The following STK10 variants were observed in gnomAD, a reference collection of about 807,000 sequenced individuals.
The protein encoded by STK10 is serine/threonine kinase 10.
A neutral mutation model predicts 113.8 loss-of-function variants in STK10; 78 were observed. That is an observed-to-expected ratio of 0.69 (90% confidence interval 0.57 to 0.83). The LOEUF (loss-of-function observed/expected upper bound fraction) is 0.83, where lower values mean the gene tolerates loss of function less well. Among genes scored for constraint, STK10 ranks in the 40% least tolerant of loss-of-function variants. The pLI is 0.00. For missense variants in STK10, 1,109 were observed against 1,280.1 expected (o/e 0.87, Z 2.04); for synonymous variants, 465 against 494.7 (o/e 0.94, Z 0.80).
At position 172,117,547 on chromosome 5, in the gene STK10, T is replaced by C; in HGVS notation, c.454A>G (p.Arg152Gly). 1 of 1,612,090 alleles carries C rather than the reference T, an allele frequency of 6.2e-7. No homozygotes were observed. The highest frequency in any genetic ancestry group is 8.5e-7 in the Non-Finnish European group (1 of 1,179,412). ...LEALNFLHSK[R>G]IIHRDLKAGN... is the part of the protein sequence containing the mutation. Reference sequence around the variant, plus strand: ...GCTTTCAGATCTCGGTGGATGATCCTCTTGCTGTGCAGGAAGTTGAGGGCT... The same window carrying C: ...GCTTTCAGATCTCGGTGGATGATCCCCTTGCTGTGCAGGAAGTTGAGGGCT... The change falls in exon 4 of 19, where the codon AGG becomes GGG. Residue 152 changes from arginine to glycine, a missense_variant. Transcript: ENST00000176763.
At chr5:172,181,486 ATTT>A (rs557756323) in intron 1 of STK10, among the ~76,000 whole-genome samples, 1 of 144,222 alleles carries the variant, frequency 6.9e-6, no homozygotes, top group African/African-American at 2.6e-5. Context: ...ATTTATTTTA[ATTT>A]TTTTTTTTTT....
chr5:172,113,492 C>T (rs1191396940), intron 4 of STK10, among the ~76,000 whole-genome samples: 1 of 151,848 alleles, frequency 6.6e-6, no homozygotes, highest in Admixed American at 6.6e-5. Flanking sequence ...GTGATGGGTA[C>T]AAGAAAAACA....
chr5:172,152,597 C>T (rs10223126), intron 2 of STK10, among the ~76,000 whole-genome samples: 2 of 152,086 alleles, frequency 1.3e-5, no homozygotes, highest in Non-Finnish European at 2.9e-5. Context: ...AATGTGGCGA[C>T]GGTAGAGACC....
intron 12 of STK10, among the ~76,000 whole-genome samples, chr5:172,074,543 T>C (rs922011039): frequency 1.3e-5 from 2 of 152,182 alleles, no homozygotes; most frequent in Admixed American, 1.3e-4. Context: ...AACCCACACC[T>C]TATATCTTAT....
chr5:172,126,409 CA>C (rs1769620071), intron 3 of STK10, among the ~76,000 whole-genome samples: 4 of 152,090 alleles, frequency 2.6e-5, no homozygotes, highest in African/African-American at 9.7e-5. Context: ...TACTAACATA[CA>C]AAAATTAGCC....
chr5:172,047,528 C>T (rs1424299198), intron 18 of STK10, among the ~76,000 whole-genome samples: 1 of 152,180 alleles, frequency 6.6e-6, no homozygotes, highest in African/African-American at 2.4e-5. Flanking sequence ...GTTACAGAAA[C>T]TGATGAGCGT....
intron 4 of STK10, among the ~76,000 whole-genome samples, chr5:172,109,508 A>G (rs867216489): frequency 1.3e-5 from 2 of 151,826 alleles, no homozygotes. Flanking sequence ...TGGAGTCTCT[A>G]TGTTGCCCAG....
chr5:172,073,666 G>A (rs1768246007), intron 12 of STK10, among the ~76,000 whole-genome samples: 1 of 151,820 alleles, frequency 6.6e-6, no homozygotes, highest in Non-Finnish European at 1.5e-5. Flanking sequence ...ATAATTCAAG[G>A]CCGGGAGCAG....
intron 18 of STK10, among the ~76,000 whole-genome samples, chr5:172,051,014 G>A (rs1024136997): frequency 1.3e-5 from 2 of 151,860 alleles, no homozygotes; most frequent in Admixed American, 6.6e-5. Context: ...CAGGAAGGTT[G>A]AGGCAGGAGA....
rs749714804 is a variant in STK10, at chr5:172,093,708, C to T, written c.1258G>A (p.Ala420Thr). 3 of 1,614,226 alleles carry T rather than the reference C, an allele frequency of 1.9e-6. No homozygotes were observed. The highest frequency in any genetic ancestry group is 1.7e-6 in the Non-Finnish European group (2 of 1,180,020). ...LRKSRPVSMDARIQVAQEKQV... is the reference protein window; with the variant it reads ...LRKSRPVSMDTRIQVAQEKQV... Reference sequence around the variant, plus strand: ...TTCTCCTGGGCTACCTGAATTCTGGCATCCATTGACACGGGTCGGGACTTC... The same window carrying T: ...TTCTCCTGGGCTACCTGAATTCTGGTATCCATTGACACGGGTCGGGACTTC... Residue 420 changes from alanine (A) to threonine (T), a missense_variant, in exon 9 of 19, where the codon GCC becomes ACC. This residue lies in a region of STK10 where 885 missense variants were observed against 991.1 expected (regional missense o/e 0.89). Transcript: ENST00000176763. This position sits in a 1 kb window ranked among gnomAD's most constrained non-coding sequence, Gnocchi z 4.1.
At chr5:172,144,615 C>T (rs778311575) in intron 2 of STK10, among the ~76,000 whole-genome samples, 27 of 152,176 alleles carry the variant, frequency 1.8e-4, no homozygotes, top group Non-Finnish European at 3.5e-4. Context: ...CTCCCAGGAA[C>T]GCTGGGCCAG....
At chr5:172,180,284 CA>C (rs1209884488) in intron 1 of STK10, among the ~76,000 whole-genome samples, 1 of 143,808 alleles carries the variant, frequency 7.0e-6, no homozygotes, top group African/African-American at 2.6e-5. Flanking sequence ...GCCAACATGG[CA>C]AAATCTCGTC....
intron 1 of STK10, among the ~76,000 whole-genome samples, chr5:172,169,016 T>A (rs1452396844): frequency 6.6e-6 from 1 of 151,862 alleles, no homozygotes; most frequent in East Asian, 1.9e-4. Flanking sequence ...TCCCTCTCAC[T>A]CAGCCCCGTG....
At position 172,107,772 on chromosome 5, in the gene STK10, C is replaced by T. The variant is rs746051124; in HGVS notation, c.593+8G>A. The T allele has an allele frequency of 5.6e-6, 9 of 1,613,668 alleles. No homozygotes were observed. Among genetic ancestry groups the T allele is most frequent in the South Asian group, 2.2e-5 (2 of 91,058 alleles). ...GTCCATTCCATTTCCAGAAGCTACACGACTCACCAGTAAGGCGTGCCGATG... is the reference window on the plus strand; with the variant it reads ...GTCCATTCCATTTCCAGAAGCTACATGACTCACCAGTAAGGCGTGCCGATG... On this transcript the variant is annotated splice_region_variant and intron_variant, in intron 5 of 18. Transcript: ENST00000176763.
chr5:172,170,521 G>A (rs3797324), intron 1 of STK10, among the ~76,000 whole-genome samples: 34,311 of 151,990 alleles, frequency 0.23, 4,846 homozygotes, highest in African/African-American at 0.4. Flanking sequence ...GCAGAATGAC[G>A]TGGCTTTCAA....
In STK10 at chr5:172,093,498, G is replaced by A; in HGVS notation, c.1468C>T (p.Leu490Phe). The stretch of plus-strand genomic sequence containing the variant: ...TAGTCCATGCTCTCAGAGGTGCAGA[G>A]GCTGCTGCAGTCCGAGTCCCTCTTG... Reference protein sequence around the residue: ...PSKRDSDCSSLCTSESMDYGT... With the variant: ...PSKRDSDCSSFCTSESMDYGT... The change falls in exon 9 of 19, where the codon CTC (leucine) becomes TTC (phenylalanine). Residue 490 changes from leucine (L) to phenylalanine (F), a missense_variant. Physicochemically the swap from Leu to Phe is conservative, Grantham distance 22 (BLOSUM62 0). Coordinates refer to ENST00000176763, the MANE Select transcript of STK10 (RefSeq NM_005990.4). The surrounding 1 kb of genome is among the most constrained non-coding windows in gnomAD (Gnocchi z 4.1). The A allele has an allele frequency of 1.9e-6, 3 of 1,614,240 alleles. No individual in the cohort carries two copies. Among genetic ancestry groups the A allele is most frequent in the South Asian group, 1.1e-5 (1 of 91,082 alleles).
intron 7 of STK10, among the ~76,000 whole-genome samples, chr5:172,100,832 T>A (rs996049359): frequency 6.6e-6 from 1 of 152,114 alleles, no homozygotes; most frequent in Non-Finnish European, 1.5e-5. Flanking sequence ...ATGCTCGCAG[T>A]TTTCAGGCGC....
intron 15 of STK10, among the ~76,000 whole-genome samples, chr5:172,056,564 G>C (rs1411495262): frequency 1.3e-5 from 2 of 152,072 alleles, no homozygotes; most frequent in Non-Finnish European, 2.9e-5. Context: ...AGAGAAAAAA[G>C]AGCAAAAGAA....
intron 4 of STK10, among the ~76,000 whole-genome samples, chr5:172,108,745 A>G (rs1036922394): frequency 6.6e-6 from 1 of 151,784 alleles, no homozygotes; most frequent in Non-Finnish European, 1.5e-5. Flanking sequence ...GGATTGTGCC[A>G]CTGCACTCCA....
Sources: gnomAD v4.1 joint callset for allele counts (sites outside exome capture counted in the v4.1 genomes callset) on GRCh38, gnomAD v4.1.1 for gene constraint, gnomAD v4.1.1 regional missense constraint, Gnocchi (gnomAD v3.1) non-coding constraint, MANE v1.5 for transcripts, NCBI Gene and HGNC (gene_info 2026-07-23, HGNC 2026-07-21) for gene names.